The following ITGA1 variants were observed in gnomAD, a reference collection of about 807,000 sequenced individuals.
ITGA1 encodes integrin alpha-1.
Under a neutral mutation model 145.9 loss-of-function variants are expected in ITGA1, and 85 were observed. The ratio of observed to expected loss-of-function variants is 0.58; its 90% CI spans 0.49 to 0.70. The LOEUF is 0.70. Among genes scored for constraint, ITGA1 ranks in the 30% least tolerant of loss-of-function variants. The pLI, the probability that ITGA1 is intolerant of heterozygous loss-of-function variation, is 0.00. For synonymous variants in ITGA1, 520 were observed against 495.3 expected, an observed-to-expected ratio of 1.05 and a Z score of -0.66; for missense variants, 1,351 against 1,418.7, an observed-to-expected ratio of 0.95 and a Z score of 0.77.
intron 2 of ITGA1, among the ~76,000 whole-genome samples, chr5:52,856,672 A>G (rs927390752): frequency 4.7e-5 from 6 of 128,036 alleles, no homozygotes; most frequent in Non-Finnish European, 8.1e-5. Context: ...CCAAAGAAGA[A>G]AAAGAGACAG....
intron 26 of ITGA1, among the ~76,000 whole-genome samples, chr5:52,942,821 G>A (rs974123667): frequency 1.3e-5 from 2 of 151,954 alleles, no homozygotes; most frequent in South Asian, 4.2e-4. Flanking sequence ...GATTACAGGC[G>A]TGAGCCACCG....
rs1378433331 is a variant in ITGA1, at chr5:52,925,497, C to T, written c.2613+10C>T. 1 of 1,586,364 alleles carries T rather than the reference C, an allele frequency of 6.3e-7. No homozygotes were observed. The highest frequency in any genetic ancestry group is 2.2e-5 in the East Asian group (1 of 44,728). On this transcript the variant is annotated intron_variant, in intron 19 of 28. Coordinates refer to ENST00000282588, the MANE Select transcript of ITGA1 (RefSeq NM_181501.2). ...TTTTTCAGGAATTGAGGTAAACTTC[C>T]AGTTTTTCATTTATTTGTTCTCTTA...
At chr5:52,827,676 C>T (rs1309509490) in intron 1 of ITGA1, among the ~76,000 whole-genome samples, 1 of 152,180 alleles carries the variant, frequency 6.6e-6, no homozygotes, top group Non-Finnish European at 1.5e-5. Flanking sequence ...GCCACTGCAG[C>T]CTTCAGCAAC....
intron 3 of ITGA1, 40 bp downstream of exon 3, chr5:52,861,599 G>A (rs765031186): frequency 4.2e-5 from 49 of 1,168,254 alleles, no homozygotes; most frequent in Middle Eastern, 2.0e-4. Flanking sequence ...GGCCAGGTGC[G>A]GTGAGTCACG....
intron 1 of ITGA1, among the ~76,000 whole-genome samples, chr5:52,830,983 T>A (rs1218722709): frequency 6.6e-6 from 1 of 152,222 alleles, no homozygotes; most frequent in Admixed American, 6.5e-5. Flanking sequence ...GCCATGAAAG[T>A]CAGTGTGAGT....
chr5:52,815,271 G>T (rs941582998), intron 1 of ITGA1, among the ~76,000 whole-genome samples: 3 of 152,136 alleles, frequency 2.0e-5, no homozygotes, highest in Non-Finnish European at 2.9e-5. Flanking sequence ...TAAAAATATA[G>T]CCAGTGTTTC....
intron 1 of ITGA1, among the ~76,000 whole-genome samples, chr5:52,809,540 C>T (rs1580038225): frequency 7.1e-6 from 1 of 141,816 alleles, no homozygotes; most frequent in African/African-American, 2.6e-5. Flanking sequence ...GAGTCTTGCT[C>T]TATACCCCAG....
At chr5:52,791,797 A>C (rs1325889740) in intron 1 of ITGA1, among the ~76,000 whole-genome samples, 2 of 152,236 alleles carry the variant, frequency 1.3e-5, no homozygotes, top group African/African-American at 4.8e-5. Flanking sequence ...AAACTTTATA[A>C]CTATTATCAA....
At chr5:52,903,332 C>A (rs1750346635) in intron 11 of ITGA1, 1 of 152,030 alleles carries the variant, frequency 6.6e-6, no homozygotes, top group Admixed American at 6.6e-5. Flanking sequence ...TTCTTCTTTT[C>A]CATTTTATGT....
intron 3 of ITGA1, 49 bp downstream of exon 3, chr5:52,861,608 C>A (rs763270462): frequency 9.5e-7 from 1 of 1,051,986 alleles, no homozygotes; most frequent in Non-Finnish European, 1.5e-6. Flanking sequence ...CGGTGAGTCA[C>A]GCCTGTAATC....
At chr5:52,921,448 G>A (rs1300254699) in intron 17 of ITGA1, among the ~76,000 whole-genome samples, 1 of 152,064 alleles carries the variant, frequency 6.6e-6, no homozygotes, top group Non-Finnish European at 1.5e-5. Context: ...TACTTATCAT[G>A]AAGCTTATTC....
At chr5:52,913,374 C>T (rs528265959) in intron 14 of ITGA1, among the ~76,000 whole-genome samples, 7 of 152,046 alleles carry the variant, frequency 4.6e-5, no homozygotes, top group Admixed American at 6.6e-5. Context: ...AAGTGAATTA[C>T]GATTTCTAAA....
At chr5:52,817,148 A>C (rs11740785) in intron 1 of ITGA1, among the ~76,000 whole-genome samples, 40,215 of 152,158 alleles carry the variant, frequency 0.26, 5,600 homozygotes, top group Non-Finnish European at 0.31. Flanking sequence ...TGGCTTAAAT[A>C]TAGTAAGATG....
intron 1 of ITGA1, among the ~76,000 whole-genome samples, chr5:52,848,058 A>G (rs1178395567): frequency 1.3e-5 from 2 of 152,246 alleles, no homozygotes; most frequent in African/African-American, 4.8e-5. Context: ...AATATGTAGT[A>G]TGTGCCAGGC....
chr5:52,840,786 C>T (rs999904751), intron 1 of ITGA1, among the ~76,000 whole-genome samples: 8 of 152,190 alleles, frequency 5.3e-5, no homozygotes, highest in Non-Finnish European at 7.3e-5. Context: ...AATGGGACAA[C>T]TTCTTACAGC....
In ITGA1 at chr5:52,845,431, G is replaced by A. The variant is rs60929021; in HGVS notation, c.62-3934G>A. Among the ~76,000 whole-genome samples, 618 of 152,268 alleles carry A rather than the reference G, an allele frequency of 4.1e-3. 4 individuals carry two copies. Among genetic ancestry groups the A allele is most frequent in the African/African-American group, 0.014 (582 of 41,558 alleles). On this transcript the variant is annotated intron_variant, in intron 1 of 28. Transcript: ENST00000282588. Reference sequence around the variant, plus strand: ...GCTGCCCTGGGGATCTCGTGGAAGCGTAGGTAGTGATTCAGGGAATGTGGA... The same window carrying A: ...GCTGCCCTGGGGATCTCGTGGAAGCATAGGTAGTGATTCAGGGAATGTGGA...
In ITGA1 at chr5:52,953,578, T is replaced by A. The variant is rs1318601232; in HGVS notation, c.*1127T>A. On this transcript the variant is annotated 3_prime_UTR_variant, in exon 29 of 29. Coordinates refer to ENST00000282588, the MANE Select transcript of ITGA1 (RefSeq NM_181501.2). The stretch of plus-strand genomic sequence containing the variant: ...GTCACTGCTTTTTAGGTGTGTTGCA[T>A]CAATATTTAAATAAAATCCCAGAAA... 1 of 152,224 alleles carries A rather than the reference T, an allele frequency of 6.6e-6. No homozygotes were observed. The highest frequency in any genetic ancestry group is 2.4e-5 in the African/African-American group (1 of 41,460). 9.4% of individuals were successfully genotyped at this position (152,224 alleles called of 1,614,324 possible). A position where few individuals can be genotyped will look rare whatever the true frequency, so the allele number is the denominator to read the frequency against.
intron 1 of ITGA1, among the ~76,000 whole-genome samples, chr5:52,843,170 G>T (rs138263081): frequency 2.0e-5 from 3 of 152,070 alleles, no homozygotes; most frequent in African/African-American, 4.8e-5. Flanking sequence ...CAAAGAATTT[G>T]CCCTAAAACC....
chr5:52,921,476 A>G (rs935972585), intron 17 of ITGA1, among the ~76,000 whole-genome samples: 3 of 152,156 alleles, frequency 2.0e-5, no homozygotes, highest in Non-Finnish European at 1.5e-5. Flanking sequence ...ACCAAGATCA[A>G]TCTATTATTT....
Sources: gnomAD v4.1 joint callset for allele counts (sites outside exome capture counted in the v4.1 genomes callset) on GRCh38, gnomAD v4.1.1 for gene constraint, MANE v1.5 for transcripts, NCBI Gene and HGNC (gene_info 2026-07-23, HGNC 2026-07-21) for gene names.